Variants in CADPS observed in about 807,000 individuals in gnomAD.
CADPS encodes calcium dependent secretion activator, also known as calcium-dependent secretion activator 1.
Under a neutral mutation model 167.3 loss-of-function variants are expected in CADPS, and 57 were observed. The ratio of observed to expected loss-of-function variants is 0.34; its 90% confidence interval spans 0.28 to 0.42. CADPS has a LOEUF of 0.42. CADPS is among the 20% of genes least tolerant of loss of function. The pLI is 1.00. For synonymous variants in CADPS, 676 were observed against 635.3 expected (o/e 1.06, Z -0.96); for missense variants, 1,414 against 1,738.1 (o/e 0.81, Z 3.32).
chr3:62,403,081 C>T lies in CADPS; in HGVS notation c.3882G>A (p.Lys1294=). Residue 1294 remains lysine (K), a splice_region_variant and synonymous_variant, in exon 29 of 30, where the codon AAG becomes AAA. Coordinates refer to ENST00000383710, the MANE Select transcript of CADPS (RefSeq NM_003716.4). ...GAAGAATAATAATCTTTTCTTTTAC[C>T]TTTACCATCCTAATTAGTGTTTTCA... ...YQLKTLIRMV[K]KTYRDFRLQG... is the part of the protein sequence containing the mutation. 1 of 1,571,004 alleles carries T rather than the reference C, an allele frequency of 6.4e-7. No individual in the cohort carries two copies. The highest frequency in any genetic ancestry group is 8.7e-7 in the Non-Finnish European group (1 of 1,143,132).
chr3:62,565,396 G>A (rs1280134609), intron 9 of CADPS, among the ~76,000 whole-genome samples: 1 of 152,200 alleles, frequency 6.6e-6, no homozygotes, highest in African/African-American at 2.4e-5. Context: ...TGAAGGGAAT[G>A]AGACCCTTCA....
At chr3:62,832,868 T>C (rs888983043) in intron 1 of CADPS, among the ~76,000 whole-genome samples, 11 of 152,242 alleles carry the variant, frequency 7.2e-5, no homozygotes, top group Admixed American at 1.3e-4. Flanking sequence ...GGGGGCCATC[T>C]GCTTCATGCT....
At chr3:62,783,157 C>T (rs2091961574) in intron 1 of CADPS, among the ~76,000 whole-genome samples, 1 of 152,166 alleles carries the variant, frequency 6.6e-6, no homozygotes, top group African/African-American at 2.4e-5. Flanking sequence ...GCTTTACTCG[C>T]ACAAAGGTGA....
At chr3:62,572,323 C>T (rs948604021) in intron 8 of CADPS, among the ~76,000 whole-genome samples, 8 of 152,118 alleles carry the variant, frequency 5.3e-5, no homozygotes, top group East Asian at 1.9e-4. Flanking sequence ...GAGTTCCTCA[C>T]GGCTCTGTCT....
chr3:62,834,123 T>C (rs920637767), intron 1 of CADPS, among the ~76,000 whole-genome samples: 2 of 152,178 alleles, frequency 1.3e-5, no homozygotes, highest in Non-Finnish European at 2.9e-5. Flanking sequence ...TTTCAACAAA[T>C]GTGGACCTTT....
intron 6 of CADPS, chr3:62,625,206 A>AT (rs1198028554): frequency 8.6e-5 from 13 of 150,344 alleles, no homozygotes; most frequent in Non-Finnish European, 1.6e-4. Flanking sequence ...GACTACACAC[A>AT]TTAAAAAAAA....
intron 28 of CADPS, among the ~76,000 whole-genome samples, chr3:62,411,283 G>A (rs985936047): frequency 2.6e-5 from 4 of 152,094 alleles, no homozygotes; most frequent in African/African-American, 9.7e-5. Context: ...ACCCAACACA[G>A]CCACACCTCA....
chr3:62,542,060 G>A (rs2075776159), intron 11 of CADPS, among the ~76,000 whole-genome samples: 2 of 151,980 alleles, frequency 1.3e-5, no homozygotes. Flanking sequence ...TTACATTTTG[G>A]AAATTTTTCT....
chr3:62,672,553 C>A (rs1384951732), intron 3 of CADPS, among the ~76,000 whole-genome samples: 1 of 152,278 alleles, frequency 6.6e-6, no homozygotes, highest in East Asian at 1.9e-4. Context: ...CCATTCTGTA[C>A]TTCTAGGTTC....
chr3:62,457,767 G>A (rs2058862872), intron 26 of CADPS, among the ~76,000 whole-genome samples: 1 of 152,182 alleles, frequency 6.6e-6, no homozygotes, highest in African/African-American at 2.4e-5. Flanking sequence ...AAAAAAGGAT[G>A]AGTTCATGTC....
At chr3:62,464,174 C>T (rs2059685751) in intron 26 of CADPS, among the ~76,000 whole-genome samples, 1 of 152,166 alleles carries the variant, frequency 6.6e-6, no homozygotes, top group Non-Finnish European at 1.5e-5. Flanking sequence ...ATTATCTGCC[C>T]TGCACTCCCT....
At chr3:62,448,522 T>C (rs1028613535) in intron 26 of CADPS, among the ~76,000 whole-genome samples, 14 of 151,996 alleles carry the variant, frequency 9.2e-5, no homozygotes, top group African/African-American at 3.4e-4. Context: ...CCTCCTCCCA[T>C]CCCATAATAA....
Position 62,465,909 on chromosome 3 carries a change from A to G in CADPS, c.3552+430T>C, listed in dbSNP as rs1239234464. The stretch of plus-strand genomic sequence containing the variant: ...TTCAGCATTACTTAGTTAAAATTCT[A>G]TAATTCATGAGGGTGACTGAAATAG... On this transcript the variant is annotated intron_variant, in intron 25 of 29. Transcript: ENST00000383710. This position sits in a 1 kb window ranked among gnomAD's most constrained non-coding sequence, Gnocchi z 4.1. Among the ~76,000 whole-genome samples, 2 of 152,216 alleles carry G rather than the reference A, an allele frequency of 1.3e-5. No individual in the cohort carries two copies. Among genetic ancestry groups the G allele is most frequent in the African/African-American group, 4.8e-5 (2 of 41,454 alleles).
intron 17 of CADPS, among the ~76,000 whole-genome samples, chr3:62,505,191 G>T (rs1361754182): frequency 6.6e-6 from 1 of 152,066 alleles, no homozygotes; most frequent in Admixed American, 6.6e-5. Context: ...AACATGCAAG[G>T]TTGAAATCTA....
chr3:62,513,677 C>G, intron 16 of CADPS: 1 of 1,592,272 alleles, frequency 6.3e-7, no homozygotes, highest in Non-Finnish European at 8.6e-7. Context: ...AAGCAGAAGA[C>G]AGGATGCTCA....
At chr3:62,776,689 A>G (rs1015635355) in intron 1 of CADPS, among the ~76,000 whole-genome samples, 7 of 152,104 alleles carry the variant, frequency 4.6e-5, no homozygotes, top group Admixed American at 4.6e-4. Flanking sequence ...AAGCATGCAG[A>G]ATCAGGGAAT....
At chr3:62,866,637 T>G (rs1183974834) in intron 1 of CADPS, among the ~76,000 whole-genome samples, 1 of 152,046 alleles carries the variant, frequency 6.6e-6, no homozygotes, top group Non-Finnish European at 1.5e-5. Flanking sequence ...GTGAATCGCA[T>G]GAAGAAAGGT....
chr3:62,815,281 T>A (rs1513134), intron 1 of CADPS, among the ~76,000 whole-genome samples: 1,269 of 93,628 alleles, frequency 0.014, 18 homozygotes, highest in African/African-American at 0.053. Flanking sequence ...ATGAACATCA[T>A]CTACTGCTAC....
At chr3:62,474,879 T>G (rs1424027648) in intron 23 of CADPS, among the ~76,000 whole-genome samples, 1 of 152,196 alleles carries the variant, frequency 6.6e-6, no homozygotes, top group Non-Finnish European at 1.5e-5. Context: ...AAATTTATTT[T>G]GCTTGTTAAA....
Sources: allele counts gnomAD v4.1 joint callset (sites outside exome capture counted in the v4.1 genomes callset), GRCh38; gene constraint gnomAD v4.1.1; non-coding constraint Gnocchi (gnomAD v3.1); transcripts MANE v1.5; gene names NCBI Gene and HGNC (gene_info 2026-07-23, HGNC 2026-07-21).